Variants in RPL15 observed in about 807,000 individuals in gnomAD.
RPL15 encodes large ribosomal subunit protein eL15.
For synonymous variants in RPL15, 97 were observed against 95.1 expected, an observed-to-expected ratio of 1.02 and a Z score of -0.12; for missense variants, 161 against 271.8, an observed-to-expected ratio of 0.59 and a Z score of 2.87.
rs1164334115 is a variant in RPL15, at chr3:23,918,341, T to C, written c.173-99T>C. 1.2e-4 allele frequency: 163 copies of C among 1,348,802 alleles called. 2 individuals are homozygous for C. In the East Asian group the frequency reaches 2.9e-3, roughly 24 times the overall value. The allele number at this position is 1,348,802 out of a possible 1,614,324, so 83.6% of individuals were successfully genotyped here. A position where few individuals can be genotyped will look rare whatever the true frequency, so the allele number is the denominator to read the frequency against. ...TTTCTATTAGATAGCATTAACTTACTGTTGAAGTATTTTTGGTGGAGTATT... is the reference window on the plus strand; with the variant it reads ...TTTCTATTAGATAGCATTAACTTACCGTTGAAGTATTTTTGGTGGAGTATT... On this transcript the variant is annotated intron_variant, in intron 2 of 3. Transcript: ENST00000307839.
At chr3:23,918,242 G>T in intron 2 of RPL15, 198 bp from the exon 3 acceptor site, 1 of 911,420 alleles carries the variant, frequency 1.1e-6, no homozygotes, top group Non-Finnish European at 1.6e-6. Flanking sequence ...TCAGACTAAA[G>T]CAAAATAAAC....
chr3:23,924,552 G>A (rs1705177310), downstream of RPL15, among the ~76,000 whole-genome samples: 1 of 152,002 alleles, frequency 6.6e-6, no homozygotes, highest in African/African-American at 2.4e-5. Context: ...TTACAGGTGT[G>A]CGCCACTACT....
Position 23,920,572 on chromosome 3 carries a change from G to A in RPL15, c.*1071G>A, listed in dbSNP as rs1705023558. ...GACTACTGTTGTCCAGGGTCAATTT[G>A]AGTGTAAAGAAAATGTAGACAAGGA... On this transcript the variant is annotated 3_prime_UTR_variant, in exon 4 of 4. Coordinates refer to ENST00000307839, the MANE Select transcript of RPL15 (RefSeq NM_002948.5). The A allele has an allele frequency of 1.0e-6, 1 of 985,256 alleles. No individual in the cohort carries two copies. The highest frequency in any genetic ancestry group is 1.2e-6 in the Non-Finnish European group (1 of 829,842). The allele number at this position is 985,256 out of a possible 1,614,324, so 61.0% of individuals were successfully genotyped here.
chr3:23,917,609 C>G (rs1444764048), intron 1 of RPL15: 1 of 451,698 alleles, frequency 2.2e-6, no homozygotes, highest in Non-Finnish European at 3.9e-6. Context: ...AGTTCTGGTT[C>G]TGTTAATTCG....
downstream of RPL15, chr3:23,922,316 G>T (rs1705117142): frequency 6.6e-6 from 1 of 152,164 alleles, no homozygotes; most frequent in Non-Finnish European, 1.5e-5. This position sits in a 1 kb window ranked among gnomAD's most constrained non-coding sequence, Gnocchi z 4.2. Context: ...TGCCAATGAG[G>T]AAACACAAAG....
Position 23,918,601 on chromosome 3 carries a change from T to C in RPL15, c.309+25T>C, listed in dbSNP as rs547292664. On this transcript the variant is annotated intron_variant, in intron 3 of 3. Transcript: ENST00000307839. The stretch of plus-strand genomic sequence containing the variant: ...GGTAAATGGTTTTGAGTAGCAGTTA[T>C]ATTGAATACTGCCTGGGGATGGTGG... 2.5e-4 allele frequency: 409 copies of C among 1,609,192 alleles called. 3 individuals carry two copies. The South Asian group carries it at 4.2e-3, about 16-fold the overall frequency.
rs910470944 is a variant in RPL15 at position 23,918,287 on chromosome 3, T to C, written c.173-153T>C. 6 of 994,858 alleles carry C rather than the reference T, an allele frequency of 6.0e-6. No homozygotes were observed. In the African/African-American group the frequency reaches 8.2e-5, roughly 14 times the overall value. 61.6% of individuals were successfully genotyped at this position (994,858 alleles called of 1,614,324 possible). On this transcript the variant is annotated intron_variant, in intron 2 of 3. Transcript: ENST00000307839. ...CCCTGTGTGAGTAGCCTAAGGTGCA[T>C]TGAAAAAGACTGGGATGTGTTTTAT...
At position 23,920,758 on chromosome 3, in the gene RPL15, C is replaced by T; in HGVS notation, c.*1257C>T. 1 of 972,962 alleles carries T rather than the reference C, an allele frequency of 1.0e-6. No individual in the cohort carries two copies. The highest frequency in any genetic ancestry group is 1.8e-5 in the African/African-American group (1 of 57,070). The allele number at this position is 972,962 out of a possible 1,614,324, so 60.3% of individuals were successfully genotyped here. On this transcript the variant is annotated 3_prime_UTR_variant, in exon 4 of 4. Coordinates refer to ENST00000307839, the MANE Select transcript of RPL15 (RefSeq NM_002948.5). ...AAAGTTCTTGAGACCTAAATTTCTTCACAAAAAAAGAAAAGATCTTAAGTC... is the reference window on the plus strand; with the variant it reads ...AAAGTTCTTGAGACCTAAATTTCTTTACAAAAAAAGAAAAGATCTTAAGTC...
rs752650326 is a variant in RPL15 at position 23,919,512 on chromosome 3, G to C, written c.*11G>C. The C allele has an allele frequency of 1.3e-6, 2 of 1,553,184 alleles. No individual in the cohort carries two copies. The highest frequency in any genetic ancestry group is 2.7e-5 in the African/African-American group (2 of 73,222). On this transcript the variant is annotated 3_prime_UTR_variant, in exon 4 of 4. Transcript: ENST00000307839. ...CACCGTTACCGCTAATATAAGTAAA[G>C]TTTGTAAAATTCATACTTAATAAAC...
At position 23,918,030 on chromosome 3, in the gene RPL15, A is replaced by G; in HGVS notation, c.171A>G (p.Gln57=). ...KARRLGYKAK[Q]GYVIYRIRVR... is the part of the protein sequence containing the mutation. ...GCCGACTGGGCTACAAGGCCAAGCA[A>G]GGTACGTGATCGACTGCGTGGATGC... The change falls in exon 2 of 4, where the codon CAA becomes CAG. Residue 57 remains glutamine, a splice_region_variant and synonymous_variant. Coordinates refer to ENST00000307839, the MANE Select transcript of RPL15 (RefSeq NM_002948.5). 1 of 1,609,782 alleles carries G rather than the reference A, an allele frequency of 6.2e-7. No homozygotes were observed. Among genetic ancestry groups the G allele is most frequent in the East Asian group, 2.2e-5 (1 of 44,858 alleles).
At chr3:23,923,612 T>C (rs1705154467), downstream of RPL15, 1 of 152,242 alleles carries the variant, frequency 6.6e-6, no homozygotes, top group African/African-American at 2.4e-5. Context: ...GACATTTAAA[T>C]TTCTTCCAAT....
upstream of RPL15, chr3:23,916,910 G>A (rs1239262471): frequency 6.5e-6 from 1 of 152,740 alleles, no homozygotes; most frequent in African/African-American, 2.4e-5. Context: ...TAGCCGCCGA[G>A]ACCTCGCCGC....
chr3:23,918,302 A>G (rs1355098688), intron 2 of RPL15, 138 bp from the exon 3 acceptor site: 7 of 1,050,758 alleles, frequency 6.7e-6, no homozygotes, highest in Non-Finnish European at 9.5e-6. Flanking sequence ...AAAGACTGGG[A>G]TGTGTTTTAT....
Position 23,920,466 on chromosome 3 carries a change from A to AC in RPL15, c.*967dup. 1 of 985,380 alleles carries AC rather than the reference A, an allele frequency of 1.0e-6. No homozygotes were observed. Among genetic ancestry groups the AC allele is most frequent in the Non-Finnish European group, 1.2e-6 (1 of 829,906 alleles). 61.0% of individuals were successfully genotyped at this position (985,380 alleles called of 1,614,324 possible). On this transcript the variant is annotated 3_prime_UTR_variant, in exon 4 of 4. Coordinates refer to ENST00000307839, the MANE Select transcript of RPL15 (RefSeq NM_002948.5). ...AATCCTTACCATTCCACAAAGTTGG[A>AC]CCATCACTTGTGCACCCACTTTGAC...
chr3:23,918,151 AAGCT>A lies in RPL15; in HGVS notation c.172+124_172+127del, dbSNP rs887258753. ...CTTCGCATAGGGCTTTGGCAGAAAA[AAGCT>A]AGCAACACTGGTCAGTTACTGTATG... On this transcript the variant is annotated intron_variant, in intron 2 of 3. Coordinates refer to ENST00000307839, the MANE Select transcript of RPL15 (RefSeq NM_002948.5). 7.8e-6 allele frequency: 10 copies of A among 1,287,276 alleles called. No homozygotes were observed. In the Admixed American group the frequency reaches 1.6e-4, roughly 21 times the overall value. The allele number at this position is 1,287,276 out of a possible 1,614,324, so 79.7% of individuals were successfully genotyped here. A position where few individuals can be genotyped will look rare whatever the true frequency, so the allele number is the denominator to read the frequency against.
chr3:23,922,768 C>G (rs1346908777), downstream of RPL15: 1 of 152,168 alleles, frequency 6.6e-6, no homozygotes, highest in African/African-American at 2.4e-5. This position sits in a 1 kb window ranked among gnomAD's most constrained non-coding sequence, Gnocchi z 4.2. Context: ...ACCCTTCTGC[C>G]TCCTAGTTCC....
chr3:23,923,153 CATT>C (rs1259387064), downstream of RPL15: 3 of 151,556 alleles, frequency 2.0e-5, no homozygotes, highest in Non-Finnish European at 4.4e-5. Flanking sequence ...ATATGATACA[CATT>C]GTTGATTTTT....
chr3:23,921,570 G>GTT (rs71622703), downstream of RPL15: 11,643 of 496,340 alleles, frequency 0.023, 25 homozygotes, highest in South Asian at 0.036. Flanking sequence ...TGATTATTGA[G>GTT]TTTTTTTTTT....
At chr3:23,918,718 G>C (rs1575120080) in intron 3 of RPL15, 142 bp downstream of exon 3, 2 of 983,036 alleles carry the variant, frequency 2.0e-6, no homozygotes, top group Non-Finnish European at 3.0e-6. Context: ...TCTTGGTGAA[G>C]AGTAATTGCT....
Sources: allele counts gnomAD v4.1 joint callset (sites outside exome capture counted in the v4.1 genomes callset), GRCh38; gene constraint gnomAD v4.1.1; non-coding constraint Gnocchi (gnomAD v3.1); transcripts MANE v1.5; gene names NCBI Gene and HGNC (gene_info 2026-07-23, HGNC 2026-07-21).